Variants in SFXN4 observed in about 807,000 individuals in gnomAD.
The protein encoded by SFXN4 is sideroflexin 4, also known as sideroflexin-4.
A neutral mutation model predicts 54.6 loss-of-function variants in SFXN4; 48 were observed. The observed-to-expected ratio is 0.88, with a 90% CI of 0.70 to 1.12. SFXN4 has a LOEUF of 1.12. SFXN4 is among the 50% of genes most tolerant of loss of function. SFXN4 has a pLI of 0.00. For synonymous variants in SFXN4, 130 were observed against 145.5 expected (o/e 0.89, Z 0.77); for missense variants, 383 against 409.2 (o/e 0.94, Z 0.55).
In SFXN4 at chr10:119,141,075, C is replaced by G; in HGVS notation, c.*167G>C. 1 of 539,482 alleles carries G rather than the reference C, an allele frequency of 1.9e-6. No individual in the cohort carries two copies. Among genetic ancestry groups the G allele is most frequent in the East Asian group, 3.1e-5 (1 of 32,074 alleles). 33.4% of individuals were successfully genotyped at this position (539,482 alleles called of 1,614,324 possible). A position where few individuals can be genotyped will look rare whatever the true frequency, so the allele number is the denominator to read the frequency against. On this transcript the variant is annotated 3_prime_UTR_variant, in exon 14 of 14. Transcript: ENST00000355697. The stretch of plus-strand genomic sequence containing the variant: ...TCTTCTCCAGCCAGCCTTAAAAACC[C>G]CAGAGACGCCAGCCTGGGAACGATC...
At chr10:119,159,282 A>G (rs1847415873) in intron 6 of SFXN4, among the ~76,000 whole-genome samples, 1 of 134,900 alleles carries the variant, frequency 7.4e-6, no homozygotes, top group Non-Finnish European at 1.7e-5. Flanking sequence ...TCTGTCTCGA[A>G]AAACAAAAAA....
chr10:119,147,708 T>C, intron 12 of SFXN4, 67 bp downstream of exon 12: 1 of 1,370,274 alleles, frequency 7.3e-7, no homozygotes, highest in Non-Finnish European at 1.0e-6. Flanking sequence ...CCAGGGTCAG[T>C]ATCTGACAGG....
At chr10:119,143,845 G>A (rs932396937) in intron 13 of SFXN4, among the ~76,000 whole-genome samples, 3 of 152,090 alleles carry the variant, frequency 2.0e-5, no homozygotes, top group Non-Finnish European at 4.4e-5. Context: ...GGAACTCCTG[G>A]CCTCAAGCAA....
intron 1 of SFXN4, 63 bp downstream of exon 1, chr10:119,165,474 C>T (rs1847731138): frequency 2.0e-6 from 3 of 1,477,804 alleles, no homozygotes; most frequent in Non-Finnish European, 2.7e-6. Context: ...CCGGGTCAGC[C>T]CGACTCCACG....
chr10:119,162,071 C>A lies in SFXN4; in HGVS notation c.252+269G>T, dbSNP rs1847573161. 14 of 462,484 alleles carry A rather than the reference C, an allele frequency of 3.0e-5. No homozygotes were observed. In the South Asian group the frequency reaches 5.1e-4, roughly 17 times the overall value. The allele number at this position is 462,484 out of a possible 1,614,324, so 28.6% of individuals were successfully genotyped here. A position where few individuals can be genotyped will look rare whatever the true frequency, so the allele number is the denominator to read the frequency against. ...GCTGCAGGGAATCCCCACAAATATC[C>A]ACTGTGTAGGAGGAAACTTGCTGTC... On this transcript the variant is annotated intron_variant, in intron 3 of 13. Transcript: ENST00000355697.
chr10:119,160,318 C>T (rs2133621757), intron 5 of SFXN4, among the ~76,000 whole-genome samples: 1 of 152,014 alleles, frequency 6.6e-6, no homozygotes, highest in South Asian at 2.1e-4. Flanking sequence ...CCAGCCTGGC[C>T]AACATAGTGA....
At position 119,165,540 on chromosome 10, in the gene SFXN4, G is replaced by A. The variant is rs776665449; in HGVS notation, c.108C>T (p.Arg36=). The A allele has an allele frequency of 1.8e-5, 29 of 1,582,124 alleles. 1 individual carries two copies. The South Asian group carries it at 3.2e-4, about 18-fold the overall frequency. ...EPNVRFWITE[R]QSFIRRFLQW... ...TCGCGCCGGGCCCGGGCCGTACTTG[G>A]CGCTCGGTGATCCAGAAGCGCACGT... The change falls in exon 1 of 14, where the codon CGC becomes CGT. Residue 36 remains arginine (R), a synonymous_variant. Transcript: ENST00000355697.
In SFXN4 at chr10:119,155,054, T is replaced by A. The variant is rs769829558; in HGVS notation, c.732+8A>T. On this transcript the variant is annotated splice_region_variant and intron_variant, in intron 11 of 13. Transcript: ENST00000355697. The stretch of plus-strand genomic sequence containing the variant: ...GGCAAGCAGCTATAGCTTCATCCTG[T>A]CTCTTACCTTTGTCCCAGCAATTCT... 1.4e-5 allele frequency: 22 copies of A among 1,601,052 alleles called. No individual in the cohort carries two copies. In the East Asian group the frequency reaches 4.2e-4, roughly 31 times the overall value.
chr10:119,144,630 T>A (rs1365660442), intron 13 of SFXN4, among the ~76,000 whole-genome samples: 1 of 152,104 alleles, frequency 6.6e-6, no homozygotes. Context: ...TATCTTCAGC[T>A]CTCTTTAACA....
intron 6 of SFXN4, among the ~76,000 whole-genome samples, chr10:119,159,224 G>A (rs570556424): frequency 2.1e-4 from 32 of 152,088 alleles, no homozygotes; most frequent in Non-Finnish European, 3.7e-4. Context: ...AGGTTGCAGC[G>A]AGCTGAGATT....
At chr10:119,156,336 G>A (rs796456891) in intron 10 of SFXN4, among the ~76,000 whole-genome samples, 9 of 152,326 alleles carry the variant, frequency 5.9e-5, no homozygotes, top group African/African-American at 2.2e-4. Context: ...ACTGAGGCAG[G>A]AGAACTGCCT....
chr10:119,145,511 C>A (rs1846751828), intron 13 of SFXN4, among the ~76,000 whole-genome samples: 1 of 151,942 alleles, frequency 6.6e-6, no homozygotes, highest in South Asian at 2.1e-4. Flanking sequence ...GCCACGTTGG[C>A]CAAGCTGCTC....
intron 13 of SFXN4, among the ~76,000 whole-genome samples, chr10:119,145,311 A>ATTT (rs1223685344): frequency 5.6e-4 from 38 of 68,084 alleles, no homozygotes; most frequent in African/African-American, 1.4e-3. Context: ...TTTTCTTATG[A>ATTT]TTTTTTTTTT....
intron 11 of SFXN4, among the ~76,000 whole-genome samples, chr10:119,148,664 C>A (rs528883657): frequency 1.2e-4 from 19 of 152,150 alleles, no homozygotes; most frequent in African/African-American, 4.1e-4. Flanking sequence ...CGTTTCACAG[C>A]GAATTAAAAG....
intron 13 of SFXN4, among the ~76,000 whole-genome samples, chr10:119,144,034 T>C (rs185290091): frequency 5.6e-4 from 85 of 152,340 alleles, no homozygotes; most frequent in African/African-American, 1.6e-3. Flanking sequence ...GTTGCTTGAA[T>C]GAATGATCCT....
chr10:119,158,128 G>GTT (rs920679402), intron 6 of SFXN4, 66 bp from the exon 7 acceptor site: 1 of 1,454,380 alleles, frequency 6.9e-7, no homozygotes, highest in Non-Finnish European at 9.7e-7. Flanking sequence ...CAGTAGCAAA[G>GTT]AACTTTCCAG....
At chr10:119,146,000 A>AT (rs1846777418) in intron 13 of SFXN4, among the ~76,000 whole-genome samples, 1 of 151,866 alleles carries the variant, frequency 6.6e-6, no homozygotes, top group South Asian at 2.1e-4. Context: ...TTTGTGTATT[A>AT]TTTTTTGTAG....
intron 11 of SFXN4, among the ~76,000 whole-genome samples, chr10:119,148,683 T>C (rs549055401): frequency 1.3e-5 from 2 of 152,358 alleles, no homozygotes; most frequent in East Asian, 3.9e-4. Context: ...AGTGTTATAC[T>C]ATAAAATTGT....
rs1344058084 is a variant in SFXN4 at position 119,165,690 on chromosome 10, G to A, written c.-43C>T. 5 of 1,462,344 alleles carry A rather than the reference G, an allele frequency of 3.4e-6. No individual in the cohort carries two copies. Among genetic ancestry groups the A allele is most frequent in the Non-Finnish European group, 4.5e-6 (5 of 1,104,052 alleles). 90.6% of individuals were successfully genotyped at this position (1,462,344 alleles called of 1,614,324 possible). On this transcript the variant is annotated 5_prime_UTR_variant, in exon 1 of 14. Coordinates refer to ENST00000355697, the MANE Select transcript of SFXN4 (RefSeq NM_213649.2). ...GGCCGCCGCCGCCAGGCCGCGCGTG[G>A]AGGAGGAGCCGGGCGGCGAGCCCCG...
Sources: allele counts gnomAD v4.1 joint callset (sites outside exome capture counted in the v4.1 genomes callset), GRCh38; gene constraint gnomAD v4.1.1; transcripts MANE v1.5; gene names NCBI Gene and HGNC (gene_info 2026-07-23, HGNC 2026-07-21).